GTPBP8: variants seen among roughly 807,000 people sequenced by gnomAD.
GTPBP8 encodes the protein GTP-binding protein 8.
A neutral mutation model predicts 27.3 loss-of-function variants in GTPBP8; 21 were observed. The ratio of observed to expected loss-of-function variants is 0.77; its 90% CI spans 0.55 to 1.11. The LOEUF (loss-of-function observed/expected upper bound fraction) is 1.11. Ranked by LOEUF, GTPBP8 falls within the 50% of genes least tolerant of loss-of-function variation. GTPBP8 has a pLI of 0.00. For synonymous variants in GTPBP8, 147 were observed against 135.3 expected, an observed-to-expected ratio of 1.09 and a Z score of -0.60; for missense variants, 380 against 350.8, an observed-to-expected ratio of 1.08 and a Z score of -0.67.
At chr3:112,993,194 A>G (rs745358986) in intron 2 of GTPBP8, 70 bp downstream of exon 2, 67 of 804,562 alleles carry the variant, frequency 8.3e-5, no homozygotes, top group Non-Finnish European at 5.9e-5. Context: ...AAATGCTGGA[A>G]GGTATAAGAA....
At position 112,993,138 on chromosome 3, in the gene GTPBP8, T is replaced by G. The variant is rs918931700; in HGVS notation, c.435+14T>G. The stretch of plus-strand genomic sequence containing the variant: ...TCCAAAAAACCAGTATGTTGAAGTT[T>G]TTAAATATGTTTGGACTATCTCTTG... On this transcript the variant is annotated intron_variant, in intron 2 of 5. Transcript: ENST00000383678. The G allele has an allele frequency of 7.7e-7, 1 of 1,298,346 alleles. No homozygotes were observed. The highest frequency in any genetic ancestry group is 1.1e-6 in the Non-Finnish European group (1 of 894,960). 80.4% of individuals were successfully genotyped at this position (1,298,346 alleles called of 1,614,324 possible).
Position 112,995,259 on chromosome 3 carries a change from G to A in GTPBP8, c.560G>A (p.Arg187Gln), listed in dbSNP as rs142551544. The change falls in exon 3 of 6, where the codon CGA becomes CAA. Residue 187 changes from arginine (R) to glutamine (Q), a missense_variant. Arg to Gln is a conservative substitution (Grantham distance 43, BLOSUM62 1). Transcript: ENST00000383678. ...ATGGTAGAGACCTATCTAAAAGAAC[G>A]AAGGAAGTAAGGAAAAGATTTTCTT... ...VDMVETYLKE[R>Q]RNLKRTFLLV... is the part of the protein sequence containing the mutation. 579 of 1,586,896 alleles carry A rather than the reference G, an allele frequency of 3.6e-4. 1 individual carries two copies. Among genetic ancestry groups the A allele is most frequent in the Non-Finnish European group, 4.7e-4 (548 of 1,169,054 alleles).
intron 3 of GTPBP8, 25 bp from the exon 4 acceptor site, chr3:112,996,867 A>T: frequency 9.9e-7 from 1 of 1,008,388 alleles, no homozygotes; most frequent in Non-Finnish European, 1.6e-6. Flanking sequence ...TATTGCCATT[A>T]ATCTTCTTTT....
Position 113,000,864 on chromosome 3 carries a change from C to G in GTPBP8, c.800C>G (p.Ser267Cys). 6.3e-7 allele frequency: 1 copy of G among 1,596,790 alleles called. No homozygotes were observed. Among genetic ancestry groups the G allele is most frequent in the Non-Finnish European group, 8.6e-7 (1 of 1,166,330 alleles). ...QLFPVSAVTF[S>C]GIHLLRCFIA... ...TCTTTTCACAGTGCTGTGACCTTTT[C>G]TGGAATCCACCTGTTGAGATGCTTT... The change falls in exon 6 of 6, where the codon TCT becomes TGT. Residue 267 changes from serine to cysteine, a missense_variant. Ser to Cys is a moderately radical substitution (Grantham distance 112). Transcript: ENST00000383678.
chr3:112,993,528 A>ACAC (rs1256735945), intron 2 of GTPBP8, among the ~76,000 whole-genome samples: 1 of 152,212 alleles, frequency 6.6e-6, no homozygotes, highest in Non-Finnish European at 1.5e-5. Flanking sequence ...TTAGTTACAC[A>ACAC]CACACATTCG....
At position 112,991,321 on chromosome 3, in the gene GTPBP8, C is replaced by T. The variant is rs750102621; in HGVS notation, c.322C>T (p.Leu108Phe). The change falls in exon 1 of 6, where the codon CTT becomes TTT. Residue 108 changes from leucine (L) to phenylalanine (F), a missense_variant. Transcript: ENST00000383678. The stretch of plus-strand genomic sequence containing the variant: ...CGTCCGTATCGACCACGCCCCGGAC[C>T]TTCCGCGGCCAGAGGTGAGAGGCGA... ...SAVRIDHAPD[L>F]PRPEVCFIGR... The T allele has an allele frequency of 6.2e-7, 1 of 1,613,410 alleles. No individual in the cohort carries two copies. The highest frequency in any genetic ancestry group is 1.3e-5 in the African/African-American group (1 of 74,948).
chr3:112,993,278 G>A (rs1285124587), intron 2 of GTPBP8, among the ~76,000 whole-genome samples, 154 bp downstream of exon 2: 2 of 152,194 alleles, frequency 1.3e-5, no homozygotes, highest in African/African-American at 4.8e-5. Flanking sequence ...TAATGCCTGT[G>A]TATTCCTCTG....
intron 1 of GTPBP8, chr3:112,991,633 G>T (rs1315718451): frequency 1.7e-6 from 1 of 580,340 alleles, no homozygotes; most frequent in East Asian, 3.9e-5. Context: ...ATTTTGGAAT[G>T]AATATAGAAG....
At chr3:113,000,172 T>A (rs903442816) in intron 5 of GTPBP8, among the ~76,000 whole-genome samples, 1 of 152,100 alleles carries the variant, frequency 6.6e-6, no homozygotes, top group African/African-American at 2.4e-5. Flanking sequence ...GCAGATCACC[T>A]GAGGTCGGGA....
In GTPBP8 at chr3:112,995,217, C is replaced by T. The variant is rs1933761199; in HGVS notation, c.518C>T (p.Pro173Leu). ...VDMPGYGFRA[P>L]EDFVDMVETY... is the part of the protein sequence containing the mutation. ...ATGCCAGGTTATGGCTTTAGAGCAC[C>T]TGAAGATTTTGTTGACATGGTAGAG... The change falls in exon 3 of 6, where the codon CCT (proline) becomes CTT (leucine). Residue 173 changes from proline to leucine, a missense_variant. Transcript: ENST00000383678. 4 of 1,609,150 alleles carry T rather than the reference C, an allele frequency of 2.5e-6. No individual in the cohort carries two copies. The highest frequency in any genetic ancestry group is 2.5e-6 in the Non-Finnish European group (3 of 1,176,516).
chr3:112,996,845 G>T, intron 3 of GTPBP8, 47 bp from the exon 4 acceptor site: 1 of 814,092 alleles, frequency 1.2e-6, no homozygotes, highest in South Asian at 1.4e-5. Flanking sequence ...ATAAATGAAT[G>T]GGTATATTTT....
chr3:113,000,917 TA>T lies in GTPBP8; in HGVS notation c.855del (p.Ter285TyrfsTer7). ...FIASVTGSLD[*>X] ...AGCCAGTGTAACAGGAAGTCTTGAC[TA>T]ATGGTTCCCGGTTTAGCTGAAGATT... On this transcript the variant is annotated frameshift_variant and stop_lost, in exon 6 of 6. Transcript: ENST00000383678. LOFTEE classifies it high-confidence loss of function. The T allele has an allele frequency of 1.3e-6, 2 of 1,520,022 alleles. No homozygotes were observed. Among genetic ancestry groups the T allele is most frequent in the Non-Finnish European group, 1.8e-6 (2 of 1,106,548 alleles). The allele number at this position is 1,520,022 out of a possible 1,614,324, so 94.2% of individuals were successfully genotyped here.
intron 4 of GTPBP8, among the ~76,000 whole-genome samples, chr3:112,997,683 GT>G (rs1415256973): frequency 6.6e-6 from 1 of 152,176 alleles, no homozygotes; most frequent in East Asian, 1.9e-4. Context: ...TAACAGTGGA[GT>G]TTAGTACAAA....
At chr3:113,000,472 A>C (rs1933872405) in intron 5 of GTPBP8, among the ~76,000 whole-genome samples, 1 of 152,228 alleles carries the variant, frequency 6.6e-6, no homozygotes, top group African/African-American at 2.4e-5. Flanking sequence ...TGGATATAGG[A>C]AGACAGATAG....
chr3:112,991,852 C>CAT (rs59884563), intron 1 of GTPBP8: 2,347 of 231,666 alleles, frequency 0.01, 50 homozygotes, highest in African/African-American at 0.041. Flanking sequence ...AATTTCCTAT[C>CAT]GTGCAAAAAT....
chr3:112,992,611 G>A (rs1243219072), intron 1 of GTPBP8: 2 of 156,358 alleles, frequency 1.3e-5, no homozygotes, highest in South Asian at 3.9e-4. Flanking sequence ...TTCCAAACAT[G>A]TAGTTGTACT....
At chr3:112,997,907 T>G (rs1267978160) in intron 4 of GTPBP8, among the ~76,000 whole-genome samples, 1 of 152,244 alleles carries the variant, frequency 6.6e-6, no homozygotes, top group South Asian at 2.1e-4. Context: ...TGAAATCATA[T>G]ATTTTCCTCA....
At chr3:112,996,801 A>G (rs1933794875) in intron 3 of GTPBP8, 91 bp from the exon 4 acceptor site, 1 of 673,978 alleles carries the variant, frequency 1.5e-6, no homozygotes, top group African/African-American at 1.9e-5. Context: ...GAATTATTCA[A>G]AGAAGAATTT....
At chr3:112,994,920 T>TC (rs1933755147) in intron 2 of GTPBP8, among the ~76,000 whole-genome samples, 1 of 152,254 alleles carries the variant, frequency 6.6e-6, no homozygotes, top group Admixed American at 6.5e-5. Context: ...TCATACAGAT[T>TC]CTTTTTTTAA....
Sources: allele counts gnomAD v4.1 joint callset (sites outside exome capture counted in the v4.1 genomes callset), GRCh38; gene constraint gnomAD v4.1.1; transcripts MANE v1.5; gene names NCBI Gene and HGNC (gene_info 2026-07-23, HGNC 2026-07-21).